PRUNE1: variants seen among roughly 807,000 people sequenced by gnomAD.
The protein encoded by PRUNE1 is exopolyphosphatase PRUNE1.
PRUNE1 carries 25 observed loss-of-function variants against 42.5 expected under a neutral mutation model. That is an observed-to-expected ratio of 0.59 (90% CI 0.43 to 0.82). The LOEUF (loss-of-function observed/expected upper bound fraction) is 0.82, where lower values mean the gene tolerates loss of function less well. Ranked by LOEUF, PRUNE1 falls within the 40% of genes least tolerant of loss-of-function variation. PRUNE1 has a pLI of 0.00. For synonymous variants in PRUNE1, 203 were observed against 217.1 expected (o/e 0.93, Z 0.57); for missense variants, 443 against 539.3 (o/e 0.82, Z 1.77).
At chr1:151,028,703 G>T in intron 6 of PRUNE1, 83 bp from the exon 7 acceptor site, 1 of 1,454,026 alleles carries the variant, frequency 6.9e-7, no homozygotes, top group South Asian at 1.3e-5. Flanking sequence ...GATTATAGGC[G>T]TAAGCGACCG....
In PRUNE1 at chr1:151,008,565, G is replaced by A. The variant is rs1332352624; in HGVS notation, c.-68G>A. The A allele has an allele frequency of 3.2e-6, 5 of 1,585,630 alleles. No individual in the cohort carries two copies. The East Asian group carries it at 8.9e-5, about 28-fold the overall frequency. On this transcript the variant is annotated 5_prime_UTR_variant, in exon 1 of 8. Transcript: ENST00000271620. ...AGTCCCGGGCGGGCTGCATTCGTCGGGGAAACCTCTCCTCGACCAGGGGCA... is the reference window on the plus strand; with the variant it reads ...AGTCCCGGGCGGGCTGCATTCGTCGAGGAAACCTCTCCTCGACCAGGGGCA...
At chr1:151,012,957 T>G (rs1375740712) in intron 1 of PRUNE1, among the ~76,000 whole-genome samples, 1 of 151,916 alleles carries the variant, frequency 6.6e-6, no homozygotes, top group African/African-American at 2.4e-5. Context: ...GCTTTTTAGT[T>G]TCACCATGCT....
In PRUNE1 at chr1:151,018,959, C is replaced by A. The variant is rs1674264122; in HGVS notation, c.335+290C>A. ...TTGGGAGGCTGAGGCGGGAGAATCA[C>A]TTGAACCTGGAAGGTGGTGGTTGCA... On this transcript the variant is annotated intron_variant, in intron 3 of 7. Transcript: ENST00000271620. Among the ~76,000 whole-genome samples the A allele has an allele frequency of 2.0e-5, 3 of 152,210 alleles. No individual in the cohort carries two copies. In the South Asian group the frequency reaches 6.2e-4, roughly 32 times the overall value.
intron 7 of PRUNE1, 127 bp from the exon 8 acceptor site, chr1:151,033,679 C>T (rs917619784): frequency 1.9e-5 from 17 of 908,146 alleles, no homozygotes; most frequent in African/African-American, 1.3e-4. Context: ...CGTGAGCCAC[C>T]GCACCCCGCC....
intron 7 of PRUNE1, among the ~76,000 whole-genome samples, chr1:151,032,270 AAAAT>A (rs1009764377): frequency 6.6e-6 from 1 of 151,580 alleles, no homozygotes; most frequent in Non-Finnish European, 1.5e-5. Flanking sequence ...AAAGTAAAAT[AAAAT>A]AAATAAAACA....
intron 7 of PRUNE1, among the ~76,000 whole-genome samples, chr1:151,031,068 C>T (rs1436063224): frequency 2.0e-5 from 3 of 152,106 alleles, no homozygotes; most frequent in Non-Finnish European, 2.9e-5. Flanking sequence ...TGAATCTTCT[C>T]CCCTCTGTGC....
At chr1:151,029,952 G>C (rs1675138209) in intron 7 of PRUNE1, among the ~76,000 whole-genome samples, 1 of 151,848 alleles carries the variant, frequency 6.6e-6, no homozygotes, top group African/African-American at 2.4e-5. Context: ...TTACTGATTA[G>C]CCTAGGGAAG....
chr1:151,024,450 G>A (rs898082079), intron 3 of PRUNE1, among the ~76,000 whole-genome samples, 161 bp from the exon 4 acceptor site: 4 of 151,826 alleles, frequency 2.6e-5, no homozygotes, highest in East Asian at 1.9e-4. Flanking sequence ...AGCCAAGAAC[G>A]CACCATTGCA....
intron 7 of PRUNE1, among the ~76,000 whole-genome samples, chr1:151,032,555 A>T (rs1675300138): frequency 1.3e-5 from 2 of 152,090 alleles, no homozygotes; most frequent in South Asian, 4.2e-4. Context: ...CTCCACTAAA[A>T]ATACAAACAT....
intron 6 of PRUNE1, among the ~76,000 whole-genome samples, chr1:151,027,922 T>C (rs1419615230): frequency 6.6e-6 from 1 of 152,190 alleles, no homozygotes; most frequent in Non-Finnish European, 1.5e-5. Flanking sequence ...GGCCTCATTG[T>C]ATTTTTAATA....
rs201084184 is a variant in PRUNE1, at chr1:151,024,760, A to G, written c.485A>G (p.Glu162Gly). The change falls in exon 4 of 8, where the codon GAG becomes GGG. Residue 162 changes from glutamate (E) to glycine (G), a missense_variant. Transcript: ENST00000271620. ...VTERILQGAP[E>G]ILDRQTAALL... The stretch of plus-strand genomic sequence containing the variant: ...GAGAGAATCCTGCAGGGGGCACCAG[A>G]GATCTTGGACAGGCAAACTGCAGCC... 4 of 1,613,944 alleles carry G rather than the reference A, an allele frequency of 2.5e-6. No individual in the cohort carries two copies. Among genetic ancestry groups the G allele is most frequent in the Non-Finnish European group, 3.4e-6 (4 of 1,179,904 alleles).
Position 151,025,590 on chromosome 1 carries a change from A to G in PRUNE1, c.596A>G (p.Glu199Gly). 6.2e-7 allele frequency: 1 copy of G among 1,613,826 alleles called. No individual in the cohort carries two copies. Among genetic ancestry groups the G allele is most frequent in the Non-Finnish European group, 8.5e-7 (1 of 1,179,742 alleles). ...ACCCCAAAGGACAGCAAATATGTGG[A>G]GAAACTAGAGGCCCTTTTCCCAGAC... ...KATPKDSKYV[E>G]KLEALFPDLP... The change falls in exon 5 of 8, where the codon GAG becomes GGG. Residue 199 changes from glutamate (E) to glycine (G), a missense_variant. Coordinates refer to ENST00000271620, the MANE Select transcript of PRUNE1 (RefSeq NM_021222.3).
Position 151,008,473 on chromosome 1 carries a change from G to A in PRUNE1, c.-160G>A. The stretch of plus-strand genomic sequence containing the variant: ...CGCCCGCTTACGCAGTTCCTCCCGG[G>A]GTCGGAGGCCGATTCGCCGTGTGGC... On this transcript the variant is annotated 5_prime_UTR_variant, in exon 1 of 8. Transcript: ENST00000271620. 1 of 1,149,298 alleles carries A rather than the reference G, an allele frequency of 8.7e-7. No homozygotes were observed. The highest frequency in any genetic ancestry group is 1.5e-5 in the African/African-American group (1 of 65,410). The allele number at this position is 1,149,298 out of a possible 1,614,324, so 71.2% of individuals were successfully genotyped here.
At chr1:151,031,393 C>T (rs1369681238) in intron 7 of PRUNE1, among the ~76,000 whole-genome samples, 2 of 151,708 alleles carry the variant, frequency 1.3e-5, no homozygotes, top group African/African-American at 2.4e-5. Context: ...CGCTATGTTG[C>T]CCAGGCTGGT....
intron 1 of PRUNE1, among the ~76,000 whole-genome samples, chr1:151,016,983 A>G (rs969653180): frequency 1.3e-5 from 2 of 151,102 alleles, no homozygotes; most frequent in Non-Finnish European, 3.0e-5. Flanking sequence ...CAACATGGAG[A>G]AACCCCATCT....
chr1:151,019,836 A>T (rs1443148898), intron 3 of PRUNE1, among the ~76,000 whole-genome samples: 3 of 145,410 alleles, frequency 2.1e-5, no homozygotes, highest in South Asian at 2.2e-4. Flanking sequence ...TTAATTAATT[A>T]TTTTTTTTTG....
chr1:151,029,810 TACGAGAG>T (rs1157227249), intron 7 of PRUNE1, among the ~76,000 whole-genome samples: 1 of 152,104 alleles, frequency 6.6e-6, no homozygotes, highest in Non-Finnish European at 1.5e-5. Flanking sequence ...AAATTAGAAA[TACGAGAG>T]ACCTTTTCTG....
chr1:151,015,914 C>T (rs952499452), intron 1 of PRUNE1, among the ~76,000 whole-genome samples: 4 of 152,076 alleles, frequency 2.6e-5, no homozygotes, highest in Non-Finnish European at 4.4e-5. Context: ...TGTCTCATCC[C>T]ATCCTCTCTC....
intron 6 of PRUNE1, 42 bp downstream of exon 6, chr1:151,027,369 T>C (rs1317739685): frequency 3.5e-6 from 5 of 1,432,462 alleles, no homozygotes; most frequent in Middle Eastern, 1.7e-4. Flanking sequence ...AGAAAGCCTT[T>C]AGCTATGCAT....
Sources: gnomAD v4.1 joint callset for allele counts (sites outside exome capture counted in the v4.1 genomes callset) on GRCh38, gnomAD v4.1.1 for gene constraint, MANE v1.5 for transcripts, NCBI Gene and HGNC (gene_info 2026-07-23, HGNC 2026-07-21) for gene names.